SLC5A10: variants seen among roughly 807,000 people sequenced by gnomAD.
SLC5A10 encodes the protein sodium/mannose cotransporter SLC5A10.
A neutral mutation model predicts 68.9 loss-of-function variants in SLC5A10; 55 were observed. That is an observed-to-expected ratio of 0.80 (90% CI 0.64 to 1.00). SLC5A10 has a LOEUF of 1.00. Among genes scored for constraint, SLC5A10 ranks in the 50% least tolerant of loss-of-function variants. SLC5A10 has a pLI of 0.00. For synonymous variants in SLC5A10, 344 were observed against 344.8 expected, an observed-to-expected ratio of 1.00 and a Z score of 0.02; for missense variants, 732 against 819.3, an observed-to-expected ratio of 0.89 and a Z score of 1.30.
intron 5 of SLC5A10, among the ~76,000 whole-genome samples, chr17:18,963,214 G>A (rs926537583): frequency 6.6e-6 from 1 of 152,166 alleles, no homozygotes; most frequent in Non-Finnish European, 1.5e-5. Flanking sequence ...TCAGTGAAGT[G>A]GGAGGACCTT....
rs1428228721 is a variant in SLC5A10, at chr17:18,996,414, A to G, written c.983-16996A>G. The stretch of plus-strand genomic sequence containing the variant: ...AGAATTAGTGACATGCCATCTGAAG[A>G]GGCCCAAGAAGGTTCTCTGGGTTAG... On this transcript the variant is annotated intron_variant, in intron 9 of 14. Coordinates refer to ENST00000395645, the MANE Select transcript of SLC5A10 (RefSeq NM_001042450.4). This position sits in a 1 kb window ranked among gnomAD's most constrained non-coding sequence, Gnocchi z 4.4. 6.6e-6 allele frequency among the ~76,000 whole-genome samples: 1 copy of G among 152,042 alleles called. No homozygotes were observed. The highest frequency in any genetic ancestry group is 1.5e-5 in the Non-Finnish European group (1 of 68,014).
At chr17:18,997,747 C>G (rs1170880697) in intron 9 of SLC5A10, among the ~76,000 whole-genome samples, 1 of 152,200 alleles carries the variant, frequency 6.6e-6, no homozygotes, top group African/African-American at 2.4e-5. Flanking sequence ...GGGAGCTCAC[C>G]ACTTCCACCC....
At chr17:18,969,008 G>A in intron 5 of SLC5A10, 44 bp from the exon 6 acceptor site, 1 of 1,569,040 alleles carries the variant, frequency 6.4e-7, no homozygotes, top group Non-Finnish European at 8.6e-7. Flanking sequence ...GCTTGCTGGA[G>A]CCCTGGGAAT....
chr17:18,992,823 G>A (rs375190824), intron 9 of SLC5A10, among the ~76,000 whole-genome samples: 45 of 152,218 alleles, frequency 3.0e-4, no homozygotes, highest in South Asian at 8.3e-4. Context: ...CTGTCTGGGC[G>A]GCTAACACAT....
rs776102223 is a variant in SLC5A10, at chr17:18,971,045, G to A, written c.673G>A (p.Glu225Lys). 2.5e-5 allele frequency: 41 copies of A among 1,613,826 alleles called. No individual in the cohort carries two copies. Among genetic ancestry groups the A allele is most frequent in the Non-Finnish European group, 3.4e-5 (40 of 1,180,032 alleles). Residue 225 changes from glutamate to lysine, a missense_variant, in exon 8 of 15, where the codon GAG becomes AAG. Glu to Lys is a moderately conservative substitution (Grantham distance 56). Transcript: ENST00000395645. This position sits in a 1 kb window ranked among gnomAD's most constrained non-coding sequence, Gnocchi z 5.5. ...FDQIGGYGQL[E>K]AAYAQAIPSR... Reference sequence around the variant, plus strand: ...CCAGATCGGTGGTTACGGGCAGCTGGAGGCAGCCTACGCCCAGGCCATTCC... The same window carrying A: ...CCAGATCGGTGGTTACGGGCAGCTGAAGGCAGCCTACGCCCAGGCCATTCC...
intron 1 of SLC5A10, 36 bp from the exon 2 acceptor site, chr17:18,958,646 G>C (rs775823556): frequency 2.5e-6 from 4 of 1,605,166 alleles, no homozygotes; most frequent in Non-Finnish European, 3.4e-6. Flanking sequence ...AGCAGTGTGC[G>C]GGCTTCCAAC....
chr17:18,967,299 C>T (rs140089433), intron 5 of SLC5A10, among the ~76,000 whole-genome samples: 2 of 152,326 alleles, frequency 1.3e-5, no homozygotes, highest in Non-Finnish European at 2.9e-5. Flanking sequence ...GTTCCTGCAC[C>T]TGCGGGACTT....
At chr17:18,990,662 T>G (rs915465667) in intron 9 of SLC5A10, among the ~76,000 whole-genome samples, 8 of 152,204 alleles carry the variant, frequency 5.3e-5, no homozygotes, top group African/African-American at 1.9e-4. Flanking sequence ...AGGTTGGATA[T>G]GTTGGAGCCT....
At position 18,978,870 on chromosome 17, in the gene SLC5A10, C is replaced by A. The variant is rs758249096; in HGVS notation, c.982+1881C>A. 4.4e-6 allele frequency: 7 copies of A among 1,608,526 alleles called. No individual in the cohort carries two copies. In the East Asian group the frequency reaches 6.7e-5, roughly 15 times the overall value. ...GTGAAGCTGCAACAGAGGGAGGGGG[C>A]GCTGGTCAGGCACATGACCCTGCTT... is the stretch of plus-strand genomic sequence containing the variant. On this transcript the variant is annotated intron_variant, in intron 9 of 14. Coordinates refer to ENST00000395645, the MANE Select transcript of SLC5A10 (RefSeq NM_001042450.4).
chr17:18,963,711 C>T (rs2042656203), intron 5 of SLC5A10, among the ~76,000 whole-genome samples: 1 of 152,258 alleles, frequency 6.6e-6, no homozygotes, highest in Admixed American at 6.5e-5. Context: ...CTGCTGCCAT[C>T]CCTCAGGCAG....
chr17:18,960,496 G>A, intron 4 of SLC5A10, 52 bp from the exon 5 acceptor site: 1 of 1,512,630 alleles, frequency 6.6e-7, no homozygotes, highest in Non-Finnish European at 9.2e-7. Flanking sequence ...CCTGCCTGGA[G>A]CCCTGGGCAT....
intron 2 of SLC5A10, 118 bp from the exon 3 acceptor site, chr17:18,959,017 C>T (rs1031682828): frequency 1.2e-5 from 12 of 999,782 alleles, no homozygotes; most frequent in South Asian, 4.8e-5. Context: ...GCTCCTCATC[C>T]GTGAGGTGGG....
intron 9 of SLC5A10, among the ~76,000 whole-genome samples, chr17:19,007,190 G>A (rs965764059): frequency 1.6e-5 from 2 of 123,184 alleles, no homozygotes; most frequent in Non-Finnish European, 3.3e-5. Context: ...TGGTGTTACC[G>A]CTATTTTTTT....
At chr17:19,008,501 A>AT (rs201812786) in intron 9 of SLC5A10, among the ~76,000 whole-genome samples, 21,598 of 141,586 alleles carry the variant, frequency 0.15, 3,686 homozygotes, top group African/African-American at 0.42. Context: ...AGCCTCACAG[A>AT]TTTTTTTTTT....
chr17:18,961,244 T>C (rs1342805708), intron 5 of SLC5A10, among the ~76,000 whole-genome samples: 1 of 152,030 alleles, frequency 6.6e-6, no homozygotes, highest in African/African-American at 2.4e-5. Flanking sequence ...AAAGAGCTTG[T>C]CCTAACCCTC....
At chr17:18,983,374 A>G (rs1007592724) in intron 9 of SLC5A10, among the ~76,000 whole-genome samples, 2 of 152,262 alleles carry the variant, frequency 1.3e-5, no homozygotes. Flanking sequence ...CCATGTAGGC[A>G]GCACCAGGAC....
At position 19,003,575 on chromosome 17, in the gene SLC5A10, T is replaced by A. The variant is rs1394963124; in HGVS notation, c.983-9835T>A. 3 of 1,592,316 alleles carry A rather than the reference T, an allele frequency of 1.9e-6. No homozygotes were observed. The highest frequency in any genetic ancestry group is 2.6e-6 in the Non-Finnish European group (3 of 1,169,410). ...CACCTCTTTGATGTGGGCCTGCCCG[T>A]CTATGGGGGGCTGCATGTAGACGCT... is the stretch of plus-strand genomic sequence containing the variant. On this transcript the variant is annotated intron_variant, in intron 9 of 14. Transcript: ENST00000395645. The surrounding 1 kb of genome is among the most constrained non-coding windows in gnomAD (Gnocchi z 4.5).
At position 18,959,659 on chromosome 17, in the gene SLC5A10, C is replaced by G; in HGVS notation, c.344C>G (p.Ser115Ter). 6.2e-7 allele frequency: 1 copy of G among 1,614,028 alleles called. No homozygotes were observed. Among genetic ancestry groups the G allele is most frequent in the Non-Finnish European group, 8.5e-7 (1 of 1,179,998 alleles). The change falls in exon 4 of 15, where the codon TCA becomes TGA. Residue 115 changes from serine (S) to a stop codon, truncating the protein, a stop_gained. Transcript: ENST00000395645. LOFTEE classifies it high-confidence loss of function. ...GTGTTCGTGCCCATCTACATCTCCTCAGAGGTGAGTCTACTCATGGGGCCT... is the reference window on the plus strand; with the variant it reads ...GTGTTCGTGCCCATCTACATCTCCTGAGAGGTGAGTCTACTCATGGGGCCT... ...AWVFVPIYIS[S>*]EIVTLPEYIQ...
intron 1 of SLC5A10, among the ~76,000 whole-genome samples, chr17:18,953,007 T>C (rs2428379): frequency 0.9 from 137,553 of 152,138 alleles, 62,631 homozygotes; most frequent in African/African-American, 0.98. Context: ...ACAGCCTGGT[T>C]CAGGTCACCT....
Sources: gnomAD v4.1 joint callset for allele counts (sites outside exome capture counted in the v4.1 genomes callset) on GRCh38, gnomAD v4.1.1 for gene constraint, Gnocchi (gnomAD v3.1) non-coding constraint, MANE v1.5 for transcripts, NCBI Gene and HGNC (gene_info 2026-07-23, HGNC 2026-07-21) for gene names.